MET: variants seen among roughly 807,000 people sequenced by gnomAD.
The protein encoded by MET is MET proto-oncogene, receptor tyrosine kinase, also known as hepatocyte growth factor receptor.
MET carries 48 observed loss-of-function variants against 133.1 expected under a neutral mutation model. The observed-to-expected ratio is 0.36, with a 90% CI of 0.29 to 0.46. MET has a LOEUF of 0.46. Among genes scored for constraint, MET ranks in the 20% least tolerant of loss-of-function variants. MET has a pLI of 1.00. For missense variants in MET, 1,442 were observed against 1,695.9 expected (o/e 0.85, Z 2.63); for synonymous variants, 628 against 616.5 (o/e 1.02, Z -0.28).
intron 2 of MET, among the ~76,000 whole-genome samples, chr7:116,729,407 G>A (rs1372155627): frequency 1.3e-5 from 2 of 152,154 alleles, no homozygotes; most frequent in Non-Finnish European, 2.9e-5. Context: ...GTCAGTAGAT[G>A]TAAAAACTCT....
At chr7:116,732,713 A>G (rs1172093834) in intron 3 of MET, among the ~76,000 whole-genome samples, 1 of 152,208 alleles carries the variant, frequency 6.6e-6, no homozygotes, top group Non-Finnish European at 1.5e-5. Flanking sequence ...AATAACCTCT[A>G]GTAAACCAAC....
chr7:116,680,460 A>G (rs1156722075), intron 1 of MET, among the ~76,000 whole-genome samples: 2 of 152,192 alleles, frequency 1.3e-5, no homozygotes, highest in Non-Finnish European at 2.9e-5. Flanking sequence ...TATGCCATAT[A>G]TAGAAAATAG....
At position 116,700,078 on chromosome 7, in the gene MET, C is replaced by A. The variant is rs1791512313; in HGVS notation, c.994C>A (p.Gln332Lys). 2 of 1,612,852 alleles carry A rather than the reference C, an allele frequency of 1.2e-6. No individual in the cohort carries two copies. Among genetic ancestry groups the A allele is most frequent in the Non-Finnish European group, 1.7e-6 (2 of 1,179,592 alleles). Residue 332 changes from glutamine to lysine, a missense_variant, in exon 2 of 21, where the codon CAA becomes AAA. Coordinates refer to ENST00000397752, the MANE Select transcript of MET (RefSeq NM_000245.4). ...VSKPGAQLAR[Q>K]IGASLNDDIL... ...CAAGCCTGGGGCCCAGCTTGCTAGA[C>A]AAATAGGAGCCAGCCTGAATGATGA... is the stretch of plus-strand genomic sequence containing the variant.
At chr7:116,727,135 G>A (rs530304125) in intron 2 of MET, among the ~76,000 whole-genome samples, 2 of 152,182 alleles carry the variant, frequency 1.3e-5, no homozygotes, top group Non-Finnish European at 2.9e-5. Flanking sequence ...TATCTCTGCT[G>A]TTTCCAGAAA....
intron 1 of MET, among the ~76,000 whole-genome samples, chr7:116,695,398 AG>A: frequency 1.3e-5 from 2 of 152,340 alleles, no homozygotes; most frequent in South Asian, 4.1e-4. Context: ...TAAAATAGCA[AG>A]CATTTATATA....
intron 11 of MET, among the ~76,000 whole-genome samples, chr7:116,764,007 A>G (rs1002046814): frequency 5.9e-5 from 9 of 152,240 alleles, no homozygotes; most frequent in Non-Finnish European, 1.2e-4. Context: ...TTATCCTTCA[A>G]CATGTTGTTA....
intron 2 of MET, among the ~76,000 whole-genome samples, chr7:116,701,377 G>A (rs906995755): frequency 3.9e-5 from 6 of 152,156 alleles, no homozygotes; most frequent in African/African-American, 1.4e-4. Context: ...CATTAAACAT[G>A]TCCTCAGTAG....
Position 116,763,136 on chromosome 7 carries a change from C to G in MET, c.2451C>G (p.Thr817=), listed in dbSNP as rs2116955318. 6.2e-7 allele frequency: 1 copy of G among 1,613,992 alleles called. No individual in the cohort carries two copies. The highest frequency in any genetic ancestry group is 8.5e-7 in the Non-Finnish European group (1 of 1,179,940). The change falls in exon 11 of 21, where the codon ACC becomes ACG. Residue 817 remains threonine (T), a synonymous_variant. Transcript: ENST00000397752. ...TGAATCTGCAACTCCCCCTGAAAAC[C>G]AAAGCCTTTTTCATGTTAGATGGGA... ...QQLNLQLPLK[T]KAFFMLDGIL... is the part of the protein sequence containing the mutation.
At chr7:116,787,572 AC>A (rs1795355899) in intron 19 of MET, among the ~76,000 whole-genome samples, 1 of 151,938 alleles carries the variant, frequency 6.6e-6, no homozygotes, top group African/African-American at 2.4e-5. Context: ...TCTCTAACAA[AC>A]CCCCTTCCAC....
At chr7:116,716,289 GA>G (rs1792193368) in intron 2 of MET, among the ~76,000 whole-genome samples, 51 of 37,866 alleles carry the variant, frequency 1.3e-3, no homozygotes, top group African/African-American at 5.9e-3. Context: ...GAGAGGGAGA[GA>G]GAGAGAGAGA....
chr7:116,749,468 A>ATTTTTTTG (rs1475340254), intron 5 of MET, among the ~76,000 whole-genome samples: 1 of 152,200 alleles, frequency 6.6e-6, no homozygotes, highest in Non-Finnish European at 1.5e-5. Flanking sequence ...TCAAAATAAT[A>ATTTTTTTG]AGAGCTATTT....
chr7:116,709,079 C>A (rs1044549495), intron 2 of MET, among the ~76,000 whole-genome samples: 6 of 152,248 alleles, frequency 3.9e-5, no homozygotes, highest in Middle Eastern at 3.4e-3. Context: ...AAAGGAGAGA[C>A]AAGTGCTCAC....
chr7:116,746,832 GAC>G lies in MET; in HGVS notation c.1701+5809_1701+5810del, dbSNP rs1315732511. Among the ~76,000 whole-genome samples the G allele has an allele frequency of 2.0e-5, 3 of 151,930 alleles. No homozygotes were observed. In the East Asian group the frequency reaches 5.8e-4, roughly 29 times the overall value. The stretch of plus-strand genomic sequence containing the variant: ...CATTAGGAGATATACCTAAGTAAAT[GAC>G]AAGTTAATGGGTGCAGCACACCAAC... On this transcript the variant is annotated intron_variant, in intron 5 of 20. Transcript: ENST00000397752.
At chr7:116,716,843 T>C (rs558576370) in intron 2 of MET, among the ~76,000 whole-genome samples, 24 of 152,314 alleles carry the variant, frequency 1.6e-4, no homozygotes, top group African/African-American at 5.3e-4. Context: ...AGCCCGTGGC[T>C]GGCTGGCCGG....
chr7:116,726,523 T>A (rs1584908508), intron 2 of MET, among the ~76,000 whole-genome samples: 1 of 151,932 alleles, frequency 6.6e-6, no homozygotes, highest in African/African-American at 2.4e-5. Flanking sequence ...TCAAATGAAC[T>A]CGTAAAGAGA....
intron 5 of MET, 42 bp downstream of exon 5, chr7:116,741,067 G>A: frequency 7.4e-7 from 1 of 1,348,788 alleles, no homozygotes; most frequent in Admixed American, 2.2e-5. Flanking sequence ...TTTGTTTGGT[G>A]TTTTTTTTTT....
intron 1 of MET, among the ~76,000 whole-genome samples, chr7:116,677,815 C>T (rs553322810): frequency 2.6e-5 from 4 of 152,342 alleles, no homozygotes; most frequent in Admixed American, 2.6e-4. Context: ...TTACATCAAA[C>T]TATGTACGTT....
At chr7:116,783,841 C>G (rs1795225348) in intron 19 of MET, among the ~76,000 whole-genome samples, 1 of 152,220 alleles carries the variant, frequency 6.6e-6, no homozygotes, top group Admixed American at 6.5e-5. Context: ...AAGAATTCCA[C>G]ATCAAGAAAT....
chr7:116,774,823 A>G (rs1045207332), intron 14 of MET, 58 bp from the exon 15 acceptor site: 10 of 1,303,198 alleles, frequency 7.7e-6, no homozygotes, highest in African/African-American at 4.4e-5. Context: ...TTCCTGTTTC[A>G]GTCCCCATTA....
Sources: allele counts gnomAD v4.1 joint callset (sites outside exome capture counted in the v4.1 genomes callset), GRCh38; gene constraint gnomAD v4.1.1; transcripts MANE v1.5; gene names NCBI Gene and HGNC (gene_info 2026-07-23, HGNC 2026-07-21).